The following ADARB2 variants were observed in gnomAD, a reference collection of about 807,000 sequenced individuals.
ADARB2 encodes adenosine deaminase RNA specific B2 (inactive).
Under a neutral mutation model 62.2 loss-of-function variants are expected in ADARB2, and 25 were observed. The ratio of observed to expected loss-of-function variants is 0.40; its 90% confidence interval spans 0.29 to 0.56. ADARB2 has a LOEUF of 0.56. Ranked by LOEUF, ADARB2 falls within the 20% of genes least tolerant of loss-of-function variation. ADARB2 has a pLI of 0.43. For synonymous variants in ADARB2, 572 were observed against 500.8 expected, an observed-to-expected ratio of 1.14 and a Z score of -1.90; for missense variants, 1,071 against 1,077.4, an observed-to-expected ratio of 0.99 and a Z score of 0.08.
intron 6 of ADARB2, among the ~76,000 whole-genome samples, chr10:1,226,861 T>TTGA (rs151056477): frequency 0.64 from 97,680 of 151,756 alleles, 31,899 homozygotes; most frequent in African/African-American, 0.74. Flanking sequence ...GGGGGTCAGG[T>TTGA]GGAGGCAGTC....
At chr10:1,547,240 T>G (rs1478426809) in intron 1 of ADARB2, among the ~76,000 whole-genome samples, 8 of 84,406 alleles carry the variant, frequency 9.5e-5, no homozygotes, top group African/African-American at 1.4e-4. Context: ...TGCACTGTGT[T>G]GGGGGCAGAG....
At chr10:1,327,560 CCAGCGCCTCCTCACTGCA>C (rs1234942983) in intron 3 of ADARB2, among the ~76,000 whole-genome samples, 217 of 21,276 alleles carry the variant, frequency 0.01, 14 homozygotes, top group African/African-American at 0.023. Context: ...TCCTCACGGC[CCAGCGCCTCCTCACTGCA>C]CAGCGCCTCC....
chr10:1,295,892 G>A (rs1262808420), intron 3 of ADARB2, among the ~76,000 whole-genome samples: 1 of 152,202 alleles, frequency 6.6e-6, no homozygotes, highest in Non-Finnish European at 1.5e-5. Context: ...GCAGCAGTAA[G>A]CTCTTGCTGT....
intron 7 of ADARB2, among the ~76,000 whole-genome samples, chr10:1,210,855 C>T (rs947587702): frequency 1.3e-5 from 2 of 152,094 alleles, no homozygotes; most frequent in Non-Finnish European, 2.9e-5. Context: ...GGGGCCTCCC[C>T]GTGGTGTAGA....
intron 1 of ADARB2, among the ~76,000 whole-genome samples, chr10:1,608,675 T>C (rs1320049876): frequency 1.1e-5 from 1 of 87,832 alleles, no homozygotes; most frequent in Non-Finnish European, 2.3e-5. Flanking sequence ...GAAGAAAAAA[T>C]GGAAGGAGGA....
intron 1 of ADARB2, among the ~76,000 whole-genome samples, chr10:1,427,760 T>C (rs1326002597): frequency 3.9e-5 from 6 of 152,228 alleles, no homozygotes; most frequent in African/African-American, 1.4e-4. Context: ...TATGTTTGCA[T>C]AAAAAACTGT....
At chr10:1,228,580 T>C (rs1463624742) in intron 6 of ADARB2, among the ~76,000 whole-genome samples, 1 of 152,256 alleles carries the variant, frequency 6.6e-6, no homozygotes, top group African/African-American at 2.4e-5. Flanking sequence ...CATTTGTCCC[T>C]GCCTTAACTG....
intron 1 of ADARB2, among the ~76,000 whole-genome samples, chr10:1,500,472 C>T (rs1307984053): frequency 2.0e-5 from 3 of 152,180 alleles, no homozygotes; most frequent in African/African-American, 7.2e-5. Context: ...AGTGGCAATT[C>T]CCAAATGCAT....
At chr10:1,353,079 T>G (rs1226340354) in intron 3 of ADARB2, among the ~76,000 whole-genome samples, 1 of 152,128 alleles carries the variant, frequency 6.6e-6, no homozygotes, top group African/African-American at 2.4e-5. Flanking sequence ...CATCTGCTAT[T>G]CTACTACTCC....
intron 4 of ADARB2, among the ~76,000 whole-genome samples, chr10:1,262,281 TTAAAG>T (rs1229537305): frequency 1.4e-5 from 1 of 73,396 alleles, no homozygotes; most frequent in Non-Finnish European, 2.7e-5. Context: ...ACCCTAAAAC[TTAAAG>T]TATAATAATA....
chr10:1,482,529 G>C (rs1461953885), intron 1 of ADARB2, among the ~76,000 whole-genome samples: 1 of 152,240 alleles, frequency 6.6e-6, no homozygotes, highest in Non-Finnish European at 1.5e-5. Context: ...GGAGAAGTGG[G>C]AGTTCGTGTT....
At chr10:1,220,003 ATGG>A (rs1402881603) in intron 6 of ADARB2, among the ~76,000 whole-genome samples, 1 of 118,374 alleles carries the variant, frequency 8.4e-6, no homozygotes. Context: ...GGTGATGATG[ATGG>A]TAATGGTGAT....
intron 7 of ADARB2, among the ~76,000 whole-genome samples, chr10:1,207,668 A>G (rs967511062): frequency 6.6e-6 from 1 of 152,226 alleles, no homozygotes; most frequent in South Asian, 2.1e-4. Context: ...CCAGTGCCGT[A>G]TTCCCCAGAG....
chr10:1,377,375 G>A (rs1487079594), intron 2 of ADARB2, among the ~76,000 whole-genome samples: 5 of 146,240 alleles, frequency 3.4e-5, no homozygotes, highest in African/African-American at 1.3e-4. Flanking sequence ...TGGGGTGTGT[G>A]TGCACATGTG....
At chr10:1,623,161 G>A (rs773036766) in intron 1 of ADARB2, among the ~76,000 whole-genome samples, 1 of 152,180 alleles carries the variant, frequency 6.6e-6, no homozygotes, top group Non-Finnish European at 1.5e-5. Flanking sequence ...GGTTGCCCAG[G>A]GCTGGGGGTG....
At position 1,327,845 on chromosome 10, in the gene ADARB2, TGCCTCCTCACAGCTCAGC is replaced by T. The variant is rs1198532909; in HGVS notation, c.1077+35165_1077+35182del. Among the ~76,000 whole-genome samples, 52 of 34,090 alleles carry T rather than the reference TGCCTCCTCACAGCTCAGC, an allele frequency of 1.5e-3. 2 individuals carry two copies. The highest frequency in any genetic ancestry group is 7.0e-3 in the East Asian group (10 of 1,438). 22.4% of individuals were successfully genotyped at this position (34,090 alleles called of 152,430 possible). On this transcript the variant is annotated intron_variant, in intron 3 of 9. Transcript: ENST00000381312. ...CACAGCTCAGCACCTCACAGCTCAG[TGCCTCCTCACAGCTCAGC>T]GCCTCCTCACAGCTCAGCGCCTCCT...
chr10:1,662,984 G>A (rs971879341), intron 1 of ADARB2, among the ~76,000 whole-genome samples: 6 of 152,228 alleles, frequency 3.9e-5, no homozygotes, highest in Non-Finnish European at 7.3e-5. Context: ...CGCGGAACAC[G>A]ACATCACCAG....
In ADARB2 at chr10:1,331,661, G is replaced by A. The variant is rs567719312; in HGVS notation, c.1077+31367C>T. ...TTCCTATCCAAAGATAAGAATGATG[G>A]TTGCAGAACACTGTGAATATAGTAA... On this transcript the variant is annotated intron_variant, in intron 3 of 9. Transcript: ENST00000381312. Among the ~76,000 whole-genome samples, 3 of 152,334 alleles carry A rather than the reference G, an allele frequency of 2.0e-5. No homozygotes were observed. In the South Asian group the frequency reaches 6.2e-4, roughly 32 times the overall value.
intron 1 of ADARB2, among the ~76,000 whole-genome samples, chr10:1,626,277 G>A (rs1169628134): frequency 4.8e-4 from 65 of 136,078 alleles, no homozygotes; most frequent in African/African-American, 1.8e-3. Context: ...TCTCCTGCAT[G>A]GACACAGGCC....
Sources: gnomAD v4.1 joint callset for allele counts (sites outside exome capture counted in the v4.1 genomes callset) on GRCh38, gnomAD v4.1.1 for gene constraint, MANE v1.5 for transcripts, NCBI Gene and HGNC (gene_info 2026-07-23, HGNC 2026-07-21) for gene names.